CTNS: variants seen among roughly 807,000 people sequenced by gnomAD.
The protein encoded by CTNS is cystinosin.
Under a neutral mutation model 43.7 loss-of-function variants are expected in CTNS, and 27 were observed. The observed-to-expected ratio is 0.62, with a 90% CI of 0.46 to 0.85. The LOEUF (loss-of-function observed/expected upper bound fraction) is 0.85, where lower values mean the gene tolerates loss of function less well. Ranked by LOEUF, CTNS falls within the 40% of genes least tolerant of loss-of-function variation. The probability of loss-of-function intolerance (pLI) is 0.00; values close to 1 mark genes in which losing one functional copy is unlikely to be tolerated. For synonymous variants in CTNS, 187 were observed against 190.6 expected (o/e 0.98, Z 0.16); for missense variants, 457 against 475.4 (o/e 0.96, Z 0.36).
chr17:3,648,385 C>T lies in CTNS; in HGVS notation c.141-462C>T, dbSNP rs376167953. On this transcript the variant is annotated intron_variant, in intron 4 of 11. Transcript: ENST00000046640. The stretch of plus-strand genomic sequence containing the variant: ...AAACCCAGGGCCAGGGCCCAGAAGA[C>T]GGCTTCCAGCCAGCACATCTGCCTT... Among the ~76,000 whole-genome samples the T allele has an allele frequency of 5.2e-5, 8 of 152,388 alleles. No homozygotes were observed. The East Asian group carries it at 5.8e-4, about 11-fold the overall frequency.
chr17:3,649,206 TGGGAG>T (rs749020895), intron 5 of CTNS, among the ~76,000 whole-genome samples: 14 of 152,160 alleles, frequency 9.2e-5, no homozygotes, highest in Non-Finnish European at 1.6e-4. Context: ...CCCAGCACTC[TGGGAG>T]GCCAAGGTGA....
Position 3,660,744 on chromosome 17 carries a change from C to T in CTNS, c.*375C>T, listed in dbSNP as rs767796994. The T allele has an allele frequency of 1.4e-5, 23 of 1,613,194 alleles. No individual in the cohort carries two copies. The highest frequency in any genetic ancestry group is 5.5e-5 in the South Asian group (5 of 91,092). ...CAGCTTGAAGGGCTGACCTTGCAGC[C>T]GGGTGAGCCAAGGGCACTTTGCTGC... On this transcript the variant is annotated 3_prime_UTR_variant, in exon 12 of 12. Transcript: ENST00000046640.
In CTNS at chr17:3,647,473, G is replaced by A. The variant is rs1293607804; in HGVS notation, c.91G>A (p.Val31Ile). ...AAGCGTCAGCCTCACTGTTCCTCCT[G>A]TCGTAAAGCTGGAGAACGGCAGCTC... ...ESSVSLTVPP[V>I]VKLENGSSTN... Residue 31 changes from valine (V) to isoleucine (I), a missense_variant, in exon 4 of 12, where the codon GTC becomes ATC. Physicochemically the swap from Val to Ile is conservative, Grantham distance 29. Transcript: ENST00000046640. The A allele has an allele frequency of 1.9e-6, 3 of 1,614,022 alleles. No individual in the cohort carries two copies. Among genetic ancestry groups the A allele is most frequent in the South Asian group, 2.2e-5 (2 of 91,090 alleles).
chr17:3,659,077 C>T (rs1201923518), intron 10 of CTNS, among the ~76,000 whole-genome samples: 3 of 152,048 alleles, frequency 2.0e-5, no homozygotes, highest in African/African-American at 4.8e-5. Flanking sequence ...AGGTTGGAGA[C>T]GTTTGGAACT....
rs927378949 is a variant in CTNS, at chr17:3,654,895, T to C, written c.226-103T>C. The C allele has an allele frequency of 3.5e-6, 3 of 851,532 alleles. No homozygotes were observed. The African/African-American group carries it at 5.0e-5, about 14-fold the overall frequency. 52.7% of individuals were successfully genotyped at this position (851,532 alleles called of 1,614,324 possible). A position where few individuals can be genotyped will look rare whatever the true frequency, so the allele number is the denominator to read the frequency against. On this transcript the variant is annotated intron_variant, in intron 5 of 11. Coordinates refer to ENST00000046640, the MANE Select transcript of CTNS (RefSeq NM_004937.3). ...AGCTCTTGGAAGGTGAGGCTGCGGG[T>C]GGTGCGTCCCTCCGTTCCCTAGCGT... is the stretch of plus-strand genomic sequence containing the variant.
intron 5 of CTNS, 74 bp downstream of exon 5, chr17:3,649,005 A>C: frequency 7.8e-7 from 1 of 1,284,846 alleles, no homozygotes; most frequent in Non-Finnish European, 1.1e-6. Flanking sequence ...GAGCTGGTGG[A>C]AACAGGTCTC....
upstream of CTNS, chr17:3,636,595 C>G (rs2075534829): frequency 4.5e-6 from 1 of 220,994 alleles, no homozygotes; most frequent in Non-Finnish European, 9.0e-6. Context: ...GCCCCGATCT[C>G]TGCGCCCCGG....
intron 10 of CTNS, 42 bp downstream of exon 10, chr17:3,658,217 G>A (rs750202627): frequency 5.6e-6 from 9 of 1,609,696 alleles, no homozygotes; most frequent in Non-Finnish European, 7.6e-6. Context: ...GGCAGGAGAG[G>A]TGAGAGCTAC....
At chr17:3,657,366 AGGG>A (rs2076174578) in intron 9 of CTNS, among the ~76,000 whole-genome samples, 2 of 152,320 alleles carry the variant, frequency 1.3e-5, no homozygotes, top group South Asian at 4.1e-4. Context: ...TCGGCAGGGC[AGGG>A]CCCCACCAAG....
At chr17:3,657,912 C>G in intron 9 of CTNS, 93 bp from the exon 10 acceptor site, 1 of 1,479,210 alleles carries the variant, frequency 6.8e-7, no homozygotes, top group Non-Finnish European at 9.3e-7. Context: ...CCTCCGTGCC[C>G]CTCTCTAAGC....
chr17:3,650,260 C>A (rs925841812), intron 5 of CTNS: 56 of 1,550,212 alleles, frequency 3.6e-5, no homozygotes, highest in Middle Eastern at 1.7e-4. Flanking sequence ...GCTCTGAGCC[C>A]CCTAGGAAGC....
At chr17:3,642,514 C>T (rs1474222394) in intron 3 of CTNS, among the ~76,000 whole-genome samples, 2 of 152,012 alleles carry the variant, frequency 1.3e-5, no homozygotes, top group Non-Finnish European at 2.9e-5. Context: ...ATGGTGAAAC[C>T]CCGTCTCTAC....
chr17:3,640,388 C>A, intron 3 of CTNS, 121 bp downstream of exon 3: 1 of 1,159,170 alleles, frequency 8.6e-7, no homozygotes, highest in Non-Finnish European at 1.3e-6. Context: ...CTCTGTCTGC[C>A]TCTTGGCCAT....
chr17:3,640,044 G>GT (rs2075646779), intron 2 of CTNS, 144 bp from the exon 3 acceptor site: 1 of 722,736 alleles, frequency 1.4e-6, no homozygotes. Context: ...GTCCCTCTGA[G>GT]GCCGTGATGC....
chr17:3,660,565 CG>C lies in CTNS; in HGVS notation c.*198del. 6.2e-7 allele frequency: 1 copy of C among 1,613,056 alleles called. No individual in the cohort carries two copies. Among genetic ancestry groups the C allele is most frequent in the Non-Finnish European group, 8.5e-7 (1 of 1,179,990 alleles). On this transcript the variant is annotated 3_prime_UTR_variant, in exon 12 of 12. Transcript: ENST00000046640. ...CGTCCGGGCCCCTCCTGGGCCTCCC[CG>C]GCCAGGCACGTGGCACCGTCGCCTT...
intron 5 of CTNS, among the ~76,000 whole-genome samples, chr17:3,651,647 A>G (rs186565809): frequency 1.3e-5 from 2 of 152,040 alleles, no homozygotes; most frequent in African/African-American, 2.4e-5. Flanking sequence ...TTCTCTACCT[A>G]TATGTCATAG....
chr17:3,654,983 CA>C lies in CTNS; in HGVS notation c.226-14del, dbSNP rs1567709202. On this transcript the variant is annotated splice_polypyrimidine_tract_variant and intron_variant, in intron 5 of 11. Coordinates refer to ENST00000046640, the MANE Select transcript of CTNS (RefSeq NM_004937.3). ...CTGTACGTGGCATCGGATTGAACCT[CA>C]GTCTTCCTAACAGGTTGTGGTGCCT... The C allele has an allele frequency of 6.3e-7, 1 of 1,591,502 alleles. No homozygotes were observed. Among genetic ancestry groups the C allele is most frequent in the East Asian group, 2.2e-5 (1 of 44,786 alleles).
At chr17:3,656,816 C>T (rs201788681) in intron 9 of CTNS, 21 bp downstream of exon 9, 1 of 1,612,496 alleles carries the variant, frequency 6.2e-7, no homozygotes, top group Non-Finnish European at 8.5e-7. Context: ...CCCTGGCCCC[C>T]CACAGGCCAC....
chr17:3,659,756 G>A, intron 10 of CTNS, 102 bp from the exon 11 acceptor site: 3 of 831,252 alleles, frequency 3.6e-6, no homozygotes, highest in South Asian at 2.8e-5. Flanking sequence ...CCCAGTGGGA[G>A]GAATGAGAAC....
Sources: allele counts gnomAD v4.1 joint callset (sites outside exome capture counted in the v4.1 genomes callset), GRCh38; gene constraint gnomAD v4.1.1; transcripts MANE v1.5; gene names NCBI Gene and HGNC (gene_info 2026-07-23, HGNC 2026-07-21).